PTPRO: variants seen among roughly 807,000 people sequenced by gnomAD.
PTPRO encodes protein tyrosine phosphatase receptor type O.
PTPRO carries 62 observed loss-of-function variants against 145.2 expected under a neutral mutation model. The ratio of observed to expected loss-of-function variants is 0.43; its 90% CI spans 0.35 to 0.53. The LOEUF (loss-of-function observed/expected upper bound fraction) is 0.53, where lower values mean the gene tolerates loss of function less well. PTPRO is among the 20% of genes least tolerant of loss of function. PTPRO has a pLI of 0.01. For missense variants in PTPRO, 1,345 were observed against 1,482.7 expected, an observed-to-expected ratio of 0.91 and a Z score of 1.53; for synonymous variants, 565 against 514.7, an observed-to-expected ratio of 1.10 and a Z score of -1.32.
At chr12:15,353,709 T>C (rs1306412540) in intron 1 of PTPRO, among the ~76,000 whole-genome samples, 11 of 152,214 alleles carry the variant, frequency 7.2e-5, no homozygotes. Context: ...TCTTTGGCTA[T>C]CTGGTATGTC....
At chr12:15,573,518 T>C (rs1944108449) in intron 19 of PTPRO, among the ~76,000 whole-genome samples, 1 of 152,236 alleles carries the variant, frequency 6.6e-6, no homozygotes, top group Non-Finnish European at 1.5e-5. Flanking sequence ...GCTCTCTTCA[T>C]ACATTTCTAT....
chr12:15,554,308 T>C (rs948345782), intron 15 of PTPRO, among the ~76,000 whole-genome samples: 1 of 152,008 alleles, frequency 6.6e-6, no homozygotes, highest in Non-Finnish European at 1.5e-5. Context: ...AAGACTTCAG[T>C]TTTGGAAATT....
intron 1 of PTPRO, among the ~76,000 whole-genome samples, chr12:15,452,923 AT>A (rs1421745438): frequency 3.3e-5 from 5 of 152,110 alleles, no homozygotes; most frequent in Non-Finnish European, 5.9e-5. Flanking sequence ...AATCTCATTT[AT>A]TTGTTGGATA....
chr12:15,332,480 G>T (rs1003158714), intron 1 of PTPRO, among the ~76,000 whole-genome samples: 1 of 152,162 alleles, frequency 6.6e-6, no homozygotes, highest in South Asian at 2.1e-4. Flanking sequence ...TCTGGCTTCA[G>T]TAATTGTACA....
At chr12:15,430,665 G>A (rs1403620428) in intron 1 of PTPRO, among the ~76,000 whole-genome samples, 1 of 152,048 alleles carries the variant, frequency 6.6e-6, no homozygotes, top group Non-Finnish European at 1.5e-5. Flanking sequence ...TGTACATCAT[G>A]GATGCTTAGT....
chr12:15,564,746 C>T (rs1943856089), intron 17 of PTPRO, among the ~76,000 whole-genome samples: 1 of 152,100 alleles, frequency 6.6e-6, no homozygotes, highest in African/African-American at 2.4e-5. Flanking sequence ...TATGTAAAGA[C>T]CTCTGAAAAT....
At chr12:15,528,517 T>A in intron 12 of PTPRO, among the ~76,000 whole-genome samples, 1 of 122,508 alleles carries the variant, frequency 8.2e-6, no homozygotes, top group Non-Finnish European at 1.7e-5. Flanking sequence ...AGAGCAAGAA[T>A]CTGTCAAAAA....
rs147293069 is a variant in PTPRO at position 15,572,556 on chromosome 12, C to T, written c.2829+3058C>T. ...TTTTCATGTACCTTATAATCTTCATCATTTTGTTACTGATTTCTAACAGCT... is the reference window on the plus strand; with the variant it reads ...TTTTCATGTACCTTATAATCTTCATTATTTTGTTACTGATTTCTAACAGCT... On this transcript the variant is annotated intron_variant, in intron 19 of 26. Coordinates refer to ENST00000281171, the MANE Select transcript of PTPRO (RefSeq NM_030667.3). Among the ~76,000 whole-genome samples the T allele has an allele frequency of 5.9e-3, 891 of 152,190 alleles. 2 individuals carry two copies. The highest frequency in any genetic ancestry group is 0.02 in the Middle Eastern group (6 of 294).
intron 18 of PTPRO, among the ~76,000 whole-genome samples, chr12:15,567,510 C>G (rs73313548): frequency 0.045 from 6,819 of 152,134 alleles, 489 homozygotes; most frequent in African/African-American, 0.15. Flanking sequence ...CTTCCTCTCT[C>G]TCTCTTTTCC....
At chr12:15,456,182 G>T (rs1941172782) in intron 1 of PTPRO, among the ~76,000 whole-genome samples, 1 of 152,096 alleles carries the variant, frequency 6.6e-6, no homozygotes, top group South Asian at 2.1e-4. Flanking sequence ...ATCATAAAAG[G>T]GTATTGAATT....
rs765676365 is a variant in PTPRO at position 15,589,513 on chromosome 12, C to T, written c.3469C>T (p.Arg1157Trp). Reference protein sequence around the residue: ...IALDRLLQHIRDHEFVDILGL... With the variant: ...IALDRLLQHIWDHEFVDILGL... ...CCTGGACAGGCTCTTGCAGCACATTCGGGATCATGAGTTTGTTGACATCTT... is the reference window on the plus strand; with the variant it reads ...CCTGGACAGGCTCTTGCAGCACATTTGGGATCATGAGTTTGTTGACATCTT... Residue 1157 changes from arginine (R) to tryptophan (W), a missense_variant, in exon 25 of 27, where the codon CGG becomes TGG. By Grantham distance (101) the Arg-to-Trp change is moderately radical. Around this residue, in one of 3 missense-constraint regions of PTPRO, gnomAD observed 208 missense variants for 242.8 expected, o/e 0.86. Transcript: ENST00000281171. 4 of 1,614,042 alleles carry T rather than the reference C, an allele frequency of 2.5e-6. No homozygotes were observed. Among genetic ancestry groups the T allele is most frequent in the Admixed American group, 1.7e-5 (1 of 60,022 alleles).
chr12:15,481,328 A>G (rs1441488265), intron 1 of PTPRO, among the ~76,000 whole-genome samples: 1 of 152,166 alleles, frequency 6.6e-6, no homozygotes, highest in African/African-American at 2.4e-5. Flanking sequence ...GAATTTTCCT[A>G]GGAGGCCACA....
At chr12:15,379,101 C>A (rs1392475232) in intron 1 of PTPRO, among the ~76,000 whole-genome samples, 1 of 151,950 alleles carries the variant, frequency 6.6e-6, no homozygotes, top group Non-Finnish European at 1.5e-5. Flanking sequence ...ATAGTATGGC[C>A]ACTTCAGAAA....
intron 1 of PTPRO, among the ~76,000 whole-genome samples, chr12:15,452,971 G>C (rs1941084565): frequency 6.6e-6 from 1 of 152,008 alleles, no homozygotes; most frequent in Non-Finnish European, 1.5e-5. Flanking sequence ...ATCTGAGTGA[G>C]AAAAAGAATA....
chr12:15,568,254 A>G (rs909004472), intron 18 of PTPRO, among the ~76,000 whole-genome samples: 6 of 151,160 alleles, frequency 4.0e-5, no homozygotes, highest in Admixed American at 2.0e-4. Flanking sequence ...ACATGGTGAA[A>G]CCAAATCTCT....
intron 1 of PTPRO, among the ~76,000 whole-genome samples, chr12:15,391,272 G>A (rs1169887737): frequency 6.6e-6 from 1 of 152,128 alleles, no homozygotes; most frequent in Non-Finnish European, 1.5e-5. Flanking sequence ...CTCTGAAAAG[G>A]TTTAGTACCA....
At chr12:15,474,906 G>T (rs1941621184) in intron 1 of PTPRO, among the ~76,000 whole-genome samples, 2 of 152,182 alleles carry the variant, frequency 1.3e-5, no homozygotes, top group Non-Finnish European at 2.9e-5. Context: ...TAGGCGCACT[G>T]CCTAGATCGC....
chr12:15,437,690 G>T (rs1940637085), intron 1 of PTPRO, among the ~76,000 whole-genome samples: 1 of 152,224 alleles, frequency 6.6e-6, no homozygotes, highest in Non-Finnish European at 1.5e-5. Flanking sequence ...CACCCAGGAA[G>T]ATCTGCAGGC....
At chr12:15,387,009 T>A (rs1166684818) in intron 1 of PTPRO, among the ~76,000 whole-genome samples, 2 of 152,236 alleles carry the variant, frequency 1.3e-5, no homozygotes, top group African/African-American at 4.8e-5. Flanking sequence ...GGAGACTGGC[T>A]TAAGTATCTG....
Sources: allele counts gnomAD v4.1 joint callset (sites outside exome capture counted in the v4.1 genomes callset), GRCh38; gene constraint gnomAD v4.1.1; regional missense constraint gnomAD v4.1.1; transcripts MANE v1.5; gene names NCBI Gene and HGNC (gene_info 2026-07-23, HGNC 2026-07-21).